Variants in WDPCP observed in about 807,000 individuals in gnomAD.
The protein encoded by WDPCP is WD repeat-containing and planar cell polarity effector protein fritz homolog.
In WDPCP, 71 loss-of-function variants were observed where a neutral mutation model predicts 93.1. The ratio of observed to expected loss-of-function variants is 0.76; its 90% CI spans 0.63 to 0.93. The LOEUF is 0.93. WDPCP is among the 40% of genes least tolerant of loss of function. The probability of loss-of-function intolerance (pLI) is 0.00; values close to 1 mark genes in which losing one functional copy is unlikely to be tolerated. For missense variants in WDPCP, 844 were observed against 887.4 expected, an observed-to-expected ratio of 0.95 and a Z score of 0.62; for synonymous variants, 315 against 315.0, an observed-to-expected ratio of 1.00 and a Z score of 0.00.
chr2:63,550,367 C>T (rs1705513969), intron 1 of WDPCP, among the ~76,000 whole-genome samples: 1 of 152,136 alleles, frequency 6.6e-6, no homozygotes, highest in African/African-American at 2.4e-5. Flanking sequence ...AAACTGCTTT[C>T]GCTAAGATCA....
rs542025701 is a variant in WDPCP at position 63,196,499 on chromosome 2, G to A, written c.1916-21667C>T. Reference sequence around the variant, plus strand: ...ACATATCCATAGACTATAATGATTTGAGAAAATGTGAAGTCATTATATGAC... The same window carrying A: ...ACATATCCATAGACTATAATGATTTAAGAAAATGTGAAGTCATTATATGAC... On this transcript the variant is annotated intron_variant, in intron 14 of 17. Transcript: ENST00000272321. 7.9e-5 allele frequency among the ~76,000 whole-genome samples: 12 copies of A among 152,246 alleles called. No homozygotes were observed. The South Asian group carries it at 2.5e-3, about 32-fold the overall frequency.
intron 3 of WDPCP, among the ~76,000 whole-genome samples, chr2:63,647,422 C>T (rs910821099): frequency 6.6e-6 from 1 of 152,186 alleles, no homozygotes; most frequent in Non-Finnish European, 1.5e-5. Context: ...GCGTGAGCCA[C>T]CACACCCGGC....
At chr2:63,738,393 T>TTTTTTTTTTTTTTTTTTGA (rs1553453624) in intron 2 of WDPCP, among the ~76,000 whole-genome samples, 1 of 151,132 alleles carries the variant, frequency 6.6e-6, no homozygotes, top group Admixed American at 6.6e-5. Context: ...GGGCTACTAT[T>TTTTTTTTTTTTTTTTTTGA]GACATTTGCT....
At chr2:63,511,771 G>C (rs564546375) in intron 1 of WDPCP, among the ~76,000 whole-genome samples, 1 of 152,136 alleles carries the variant, frequency 6.6e-6, no homozygotes, top group Admixed American at 6.5e-5. Context: ...AGATTTAAAC[G>C]TAAGACCTAA....
intron 2 of WDPCP, among the ~76,000 whole-genome samples, chr2:63,723,364 C>T (rs1669454831): frequency 6.6e-6 from 1 of 151,756 alleles, no homozygotes; most frequent in Non-Finnish European, 1.5e-5. Flanking sequence ...CTTCAGATTT[C>T]AAAGTATATG....
intron 2 of WDPCP, among the ~76,000 whole-genome samples, chr2:63,741,780 C>T (rs1669718372): frequency 6.6e-6 from 1 of 152,016 alleles, no homozygotes; most frequent in African/African-American, 2.4e-5. Context: ...CCCCCTCTTA[C>T]CACTCAGAAA....
At chr2:63,454,878 A>G (rs1018501868) in intron 6 of WDPCP, among the ~76,000 whole-genome samples, 2 of 152,218 alleles carry the variant, frequency 1.3e-5, no homozygotes, top group African/African-American at 4.8e-5. Context: ...CAGAAACCTT[A>G]TGGGCCAGGA....
intron 1 of WDPCP, among the ~76,000 whole-genome samples, chr2:63,527,093 A>G (rs1382847659): frequency 6.6e-6 from 1 of 152,216 alleles, no homozygotes; most frequent in East Asian, 1.9e-4. Context: ...GGTGCTGGAC[A>G]ATAATTCTCT....
At chr2:63,789,531 G>A (rs1251171473) in intron 2 of WDPCP, among the ~76,000 whole-genome samples, 1 of 152,158 alleles carries the variant, frequency 6.6e-6, no homozygotes, top group East Asian at 1.9e-4. Flanking sequence ...CTCCAGACTG[G>A]ACCAGTTTCG....
intron 12 of WDPCP, among the ~76,000 whole-genome samples, chr2:63,376,527 A>G (rs530539362): frequency 6.6e-6 from 1 of 152,080 alleles, no homozygotes; most frequent in East Asian, 1.9e-4. Flanking sequence ...CAGAGGCCAG[A>G]GACAATGAGG....
chr2:63,221,691 A>G (rs1173528968), intron 14 of WDPCP, among the ~76,000 whole-genome samples: 4 of 152,154 alleles, frequency 2.6e-5, no homozygotes, highest in African/African-American at 9.7e-5. Flanking sequence ...CTTCCCCTCC[A>G]TTTCCTGGCC....
intron 12 of WDPCP, among the ~76,000 whole-genome samples, chr2:63,325,226 G>A (rs1575145675): frequency 6.6e-6 from 1 of 152,140 alleles, no homozygotes; most frequent in African/African-American, 2.4e-5. Context: ...AATGGAGCAG[G>A]CCAATCATCT....
upstream of WDPCP, among the ~76,000 whole-genome samples, chr2:63,592,557 G>A (rs1170561156): frequency 8.5e-5 from 13 of 152,150 alleles, no homozygotes; most frequent in Admixed American, 8.5e-4. Flanking sequence ...TGTAGCCCAG[G>A]CTGGTCTCGA....
At chr2:63,719,714 C>T (rs1042443000) in intron 2 of WDPCP, among the ~76,000 whole-genome samples, 8 of 151,590 alleles carry the variant, frequency 5.3e-5, no homozygotes, top group South Asian at 2.1e-4. Flanking sequence ...TGAAATATTT[C>T]GGAGCATAAT....
At chr2:63,284,313 T>A (rs1039039446) in intron 13 of WDPCP, among the ~76,000 whole-genome samples, 1 of 152,236 alleles carries the variant, frequency 6.6e-6, no homozygotes, top group Non-Finnish European at 1.5e-5. Flanking sequence ...CCCCAGTGGA[T>A]GCCTGAAAGC....
intron 1 of WDPCP, among the ~76,000 whole-genome samples, chr2:63,506,196 T>C (rs1701859543): frequency 6.6e-6 from 1 of 152,110 alleles, no homozygotes; most frequent in Non-Finnish European, 1.5e-5. Flanking sequence ...ACATTTAATA[T>C]AGTGTTGCTT....
intron 1 of WDPCP, among the ~76,000 whole-genome samples, chr2:63,567,745 AT>A (rs983226272): frequency 2.0e-5 from 3 of 151,758 alleles, no homozygotes; most frequent in Non-Finnish European, 4.4e-5. Flanking sequence ...ATATTTGTGT[AT>A]TTTTTTTGAT....
intron 15 of WDPCP, among the ~76,000 whole-genome samples, chr2:63,161,899 G>A (rs758431219): frequency 2.6e-5 from 4 of 152,058 alleles, no homozygotes; most frequent in East Asian, 1.9e-4. Context: ...GAGTAGCTGG[G>A]ACTGCAGGCA....
chr2:63,195,252 A>G (rs1425171474), intron 14 of WDPCP, among the ~76,000 whole-genome samples: 1 of 152,190 alleles, frequency 6.6e-6, no homozygotes, highest in African/African-American at 2.4e-5. Context: ...ACGCAAATTT[A>G]CAAACTGTTC....
Sources: gnomAD v4.1 joint callset for allele counts (sites outside exome capture counted in the v4.1 genomes callset) on GRCh38, gnomAD v4.1.1 for gene constraint, MANE v1.5 for transcripts, NCBI Gene and HGNC (gene_info 2026-07-23, HGNC 2026-07-21) for gene names.